The following CCDC169 variants were observed in gnomAD, a reference collection of about 807,000 sequenced individuals.
CCDC169 encodes the protein coiled-coil domain containing 169, also known as coiled-coil domain-containing protein 169.
In CCDC169, 30 loss-of-function variants were observed where a neutral mutation model predicts 36.0. The observed-to-expected ratio is 0.83, with a 90% CI of 0.62 to 1.13. The LOEUF is 1.13. Ranked by LOEUF, CCDC169 falls within the 50% of genes most tolerant of loss-of-function variation. The probability of loss-of-function intolerance (pLI) is 0.00; values close to 1 mark genes in which losing one functional copy is unlikely to be tolerated. For synonymous variants in CCDC169, 85 were observed against 81.5 expected, an observed-to-expected ratio of 1.04 and a Z score of -0.23; for missense variants, 245 against 245.9, an observed-to-expected ratio of 1.00 and a Z score of 0.03.
chr13:36,288,273 C>T (rs1318814958), intron 2 of CCDC169, among the ~76,000 whole-genome samples: 3 of 152,140 alleles, frequency 2.0e-5, no homozygotes, highest in African/African-American at 7.2e-5. Context: ...CGCAGCCTCC[C>T]AAAGTGCTGG....
intron 7 of CCDC169, chr13:36,240,639 T>C (rs1020443265): frequency 2.3e-5 from 30 of 1,284,808 alleles, no homozygotes; most frequent in Non-Finnish European, 2.9e-5. Context: ...GTTATTTTCT[T>C]CCTTTAGGGC....
At chr13:36,296,029 C>A (rs1170530655) in intron 1 of CCDC169, among the ~76,000 whole-genome samples, 172 bp from the exon 2 acceptor site, 3 of 152,122 alleles carry the variant, frequency 2.0e-5, no homozygotes, top group Non-Finnish European at 4.4e-5. Context: ...TTAGTCAGTT[C>A]TAGGACTCAA....
intron 6 of CCDC169, among the ~76,000 whole-genome samples, chr13:36,252,129 C>T (rs541951923): frequency 2.2e-4 from 33 of 152,244 alleles, no homozygotes; most frequent in African/African-American, 7.7e-4. Context: ...AGTGTTTGTG[C>T]TAGACCTTGA....
intron 4 of CCDC169, chr13:36,267,217 A>G (rs965908395): frequency 2.0e-5 from 3 of 152,226 alleles, no homozygotes; most frequent in African/African-American, 7.2e-5. Context: ...TACAGAGAAG[A>G]TTAGCATAGT....
chr13:36,291,424 G>T (rs1364438803), intron 2 of CCDC169, among the ~76,000 whole-genome samples: 1 of 152,052 alleles, frequency 6.6e-6, no homozygotes, highest in Non-Finnish European at 1.5e-5. Flanking sequence ...CATATTTCTG[G>T]TCAGGAATAT....
In CCDC169 at chr13:36,295,869, A is replaced by G; in HGVS notation, c.84-12T>C. ...GTTGCACTGCATCCCTGTTATTTAA[A>G]ATATTTTTGTTGATTATAATTCAAT... On this transcript the variant is annotated splice_polypyrimidine_tract_variant and intron_variant, in intron 1 of 7. Transcript: ENST00000239859. 6.8e-7 allele frequency: 1 copy of G among 1,464,600 alleles called. No homozygotes were observed. The highest frequency in any genetic ancestry group is 9.3e-7 in the Non-Finnish European group (1 of 1,078,378). The allele number at this position is 1,464,600 out of a possible 1,614,324, so 90.7% of individuals were successfully genotyped here.
At chr13:36,222,399 A>G (rs943895), downstream of CCDC169, 61,622 of 152,016 alleles carry the variant, frequency 0.41, 13,263 homozygotes, top group Non-Finnish European at 0.48. Flanking sequence ...AGAAATCTGC[A>G]TAGGAGCCCC....
intron 7 of CCDC169, among the ~76,000 whole-genome samples, chr13:36,234,963 T>A (rs986118216): frequency 3.9e-5 from 6 of 152,116 alleles, no homozygotes; most frequent in Non-Finnish European, 2.9e-5. Context: ...TAATTCTTCT[T>A]TTTAAATCTC....
At chr13:36,261,883 A>G (rs569952440) in intron 4 of CCDC169, among the ~76,000 whole-genome samples, 2 of 152,336 alleles carry the variant, frequency 1.3e-5, no homozygotes, top group East Asian at 1.9e-4. Context: ...TTGTGAGTTC[A>G]GGTAAATTCG....
chr13:36,233,112 A>C (rs1286001766), intron 7 of CCDC169, among the ~76,000 whole-genome samples: 1 of 152,194 alleles, frequency 6.6e-6, no homozygotes, highest in Non-Finnish European at 1.5e-5. Flanking sequence ...TGTTGAAGGC[A>C]TGCTCCAACA....
intron 2 of CCDC169, among the ~76,000 whole-genome samples, chr13:36,294,661 T>C (rs1817593317): frequency 6.6e-6 from 1 of 152,058 alleles, no homozygotes; most frequent in Non-Finnish European, 1.5e-5. Context: ...TCAGCAAGAC[T>C]CACATCTCAA....
chr13:36,297,303 A>T (rs989221772), intron 1 of CCDC169, among the ~76,000 whole-genome samples: 16 of 152,204 alleles, frequency 1.1e-4, no homozygotes, highest in African/African-American at 3.4e-4. Flanking sequence ...AAATCTTTGG[A>T]ATTTTAAGCA....
chr13:36,283,814 C>T lies in CCDC169; in HGVS notation c.164-112G>A, dbSNP rs1053585568. The T allele has an allele frequency of 4.1e-5, 31 of 763,506 alleles. No homozygotes were observed. The South Asian group carries it at 5.5e-4, about 14-fold the overall frequency. 47.3% of individuals were successfully genotyped at this position (763,506 alleles called of 1,614,324 possible). A position where few individuals can be genotyped will look rare whatever the true frequency, so the allele number is the denominator to read the frequency against. ...CTATTACTATATTTGACTTTATTGG[C>T]AATACAGATCAACTAGAAGGAAATA... On this transcript the variant is annotated intron_variant, in intron 2 of 7. Transcript: ENST00000239859.
At position 36,248,634 on chromosome 13, in the gene CCDC169, G is replaced by A. The variant is rs1233791224; in HGVS notation, c.517C>T (p.Pro173Ser). The A allele has an allele frequency of 2.6e-6, 4 of 1,550,362 alleles. No homozygotes were observed. Among genetic ancestry groups the A allele is most frequent in the Non-Finnish European group, 2.6e-6 (3 of 1,146,266 alleles). ...TTCACTAGATTCTCTTGCATCCTAG[G>A]CAGTTGATCCACCTGTTGCCTTTTA... ...VSKRQQVDQL[P>S]RMQENLVKTG... The change falls in exon 7 of 8, where the codon CCT becomes TCT. Residue 173 changes from proline (P) to serine (S), a missense_variant. Coordinates refer to ENST00000239859, the MANE Select transcript of CCDC169 (RefSeq NM_001144981.3).
At position 36,277,647 on chromosome 13, in the gene CCDC169, G is replaced by T. The variant is rs1031257688; in HGVS notation, c.315+5822C>A. On this transcript the variant is annotated intron_variant, in intron 4 of 7. Coordinates refer to ENST00000239859, the MANE Select transcript of CCDC169 (RefSeq NM_001144981.3). ...CCCAACTAGCTCAAGGGAAGTAAAG[G>T]TTCTGCACTTTTTATTAAGAGGGTT... Among the ~76,000 whole-genome samples, 3 of 152,090 alleles carry T rather than the reference G, an allele frequency of 2.0e-5. No homozygotes were observed. The South Asian group carries it at 6.2e-4, about 32-fold the overall frequency.
downstream of CCDC169, chr13:36,222,852 T>C (rs945955846): frequency 6.6e-6 from 1 of 151,874 alleles, no homozygotes; most frequent in African/African-American, 2.4e-5. Context: ...AAAGTCATTA[T>C]ATGCCTATCC....
At chr13:36,243,122 G>T (rs76857000) in intron 7 of CCDC169, among the ~76,000 whole-genome samples, 2,604 of 152,304 alleles carry the variant, frequency 0.017, 71 homozygotes, top group African/African-American at 0.059. Flanking sequence ...ACATGGGACT[G>T]CAGCTGCGCT....
intron 4 of CCDC169, among the ~76,000 whole-genome samples, chr13:36,266,761 G>A (rs1479207120): frequency 6.6e-6 from 1 of 152,148 alleles, no homozygotes; most frequent in Admixed American, 6.6e-5. Flanking sequence ...TACTCCAACA[G>A]GACATTTTCC....
At chr13:36,232,408 A>C (rs1870534681) in intron 7 of CCDC169, among the ~76,000 whole-genome samples, 1 of 152,222 alleles carries the variant, frequency 6.6e-6, no homozygotes, top group Non-Finnish European at 1.5e-5. Flanking sequence ...ATTTGCTGGA[A>C]CAATAAGAAA....
Sources: allele counts gnomAD v4.1 joint callset (sites outside exome capture counted in the v4.1 genomes callset), GRCh38; gene constraint gnomAD v4.1.1; transcripts MANE v1.5; gene names NCBI Gene and HGNC (gene_info 2026-07-23, HGNC 2026-07-21).